Variants in ARL13B observed in about 807,000 individuals in gnomAD.
ARL13B encodes the protein ARF like GTPase 13B.
A neutral mutation model predicts 56.1 loss-of-function variants in ARL13B; 36 were observed. The observed-to-expected ratio is 0.64, with a 90% CI of 0.49 to 0.85. The LOEUF is 0.85. ARL13B is among the 40% of genes least tolerant of loss of function. ARL13B has a pLI of 0.00. For missense variants in ARL13B, 519 were observed against 507.1 expected, an observed-to-expected ratio of 1.02 and a Z score of -0.23; for synonymous variants, 178 against 171.1, an observed-to-expected ratio of 1.04 and a Z score of -0.32.
intron 3 of ARL13B, among the ~76,000 whole-genome samples, chr3:94,022,332 G>T (rs1002074722): frequency 4.0e-4 from 61 of 151,940 alleles, no homozygotes; most frequent in African/African-American, 1.4e-3. Flanking sequence ...TACCATGTTG[G>T]CCAGGCTGGT....
chr3:94,046,187 A>T (rs1357604686), intron 7 of ARL13B, among the ~76,000 whole-genome samples: 1 of 151,958 alleles, frequency 6.6e-6, no homozygotes, highest in Non-Finnish European at 1.5e-5. Flanking sequence ...ATATGTATAC[A>T]TATGTAAAAC....
At chr3:94,016,591 C>A (rs2076337596) in intron 3 of ARL13B, among the ~76,000 whole-genome samples, 1 of 151,648 alleles carries the variant, frequency 6.6e-6, no homozygotes, top group Non-Finnish European at 1.5e-5. Flanking sequence ...GAGTAGAAGA[C>A]CCTTGGGTTC....
intron 1 of ARL13B, among the ~76,000 whole-genome samples, chr3:93,989,555 A>ATT (rs200041280): frequency 7.4e-5 from 11 of 148,392 alleles, no homozygotes; most frequent in Non-Finnish European, 1.3e-4. Context: ...GCTATGGTTA[A>ATT]TTTTTTTTTT....
chr3:94,031,729 CAT>C (rs2076680147), intron 3 of ARL13B, among the ~76,000 whole-genome samples: 1 of 152,196 alleles, frequency 6.6e-6, no homozygotes, highest in African/African-American at 2.4e-5. Context: ...CTGGAGGCAT[CAT>C]ATTATCTGAC....
chr3:94,045,447 T>TAAAAAAAAAAA (rs1047984463), intron 7 of ARL13B, among the ~76,000 whole-genome samples: 1 of 73,594 alleles, frequency 1.4e-5, no homozygotes, highest in Admixed American at 1.4e-4. Flanking sequence ...CAATAAATAC[T>TAAAAAAAAAAA]AAAAAAAAAA....
At chr3:94,039,376 T>C (rs1157252197) in intron 5 of ARL13B, among the ~76,000 whole-genome samples, 1 of 151,430 alleles carries the variant, frequency 6.6e-6, no homozygotes, top group East Asian at 1.9e-4. Flanking sequence ...GGCGGGCGCC[T>C]GTAGTCCCAG....
At chr3:94,043,534 G>GACCTCCC (rs2076902213) in intron 7 of ARL13B, among the ~76,000 whole-genome samples, 1 of 13,356 alleles carries the variant, frequency 7.5e-5, no homozygotes, top group Non-Finnish European at 1.5e-4. Context: ...CCTTGGAATA[G>GACCTCCC]CCCTCCCCCT....
intron 7 of ARL13B, 94 bp from the exon 8 acceptor site, chr3:94,049,312 A>T: frequency 1.5e-6 from 1 of 684,540 alleles, no homozygotes; most frequent in Non-Finnish European, 2.5e-6. Context: ...GTTTTTTGTT[A>T]ATAATATCAG....
At chr3:93,986,866 A>T (rs1710490392) in intron 1 of ARL13B, among the ~76,000 whole-genome samples, 1 of 152,122 alleles carries the variant, frequency 6.6e-6, no homozygotes, top group Admixed American at 6.5e-5. Flanking sequence ...GCTACTTGGG[A>T]GGCTGAGGCA....
Position 94,032,889 on chromosome 3 carries a change from A to G in ARL13B, c.381-2442A>G, listed in dbSNP as rs144321928. Among the ~76,000 whole-genome samples, 424 of 152,366 alleles carry G rather than the reference A, an allele frequency of 2.8e-3. 1 individual carries two copies. The highest frequency in any genetic ancestry group is 0.014 in the Middle Eastern group (4 of 294). ...CCTATCCAAAGGAAAAGAAATCATT[A>G]TACAAGAAAAGATATCTGAACTCAA... On this transcript the variant is annotated intron_variant, in intron 3 of 9. Transcript: ENST00000394222.
intron 5 of ARL13B, among the ~76,000 whole-genome samples, chr3:94,037,379 A>G (rs1453521848): frequency 6.6e-6 from 1 of 152,232 alleles, no homozygotes; most frequent in Non-Finnish European, 1.5e-5. Flanking sequence ...GCAAGAACTC[A>G]CTACCCTTGG....
intron 3 of ARL13B, chr3:94,028,229 A>G (rs1461603477): frequency 6.6e-6 from 1 of 152,196 alleles, no homozygotes; most frequent in Non-Finnish European, 1.5e-5. Context: ...CAAATCAGCT[A>G]CTGGTACCCC....
At chr3:94,033,662 A>G (rs2076715484) in intron 3 of ARL13B, among the ~76,000 whole-genome samples, 1 of 152,228 alleles carries the variant, frequency 6.6e-6, no homozygotes, top group African/African-American at 2.4e-5. Context: ...TAAGTGAAAG[A>G]TTAATGAGGA....
At chr3:94,029,347 TTA>T (rs143497423) in intron 3 of ARL13B, among the ~76,000 whole-genome samples, 4,829 of 105,358 alleles carry the variant, frequency 0.046, 238 homozygotes, top group Middle Eastern at 0.07. Context: ...TATTTTTTTT[TTA>T]TTTTTTTTTT....
At chr3:93,987,651 A>G (rs764023633) in intron 1 of ARL13B, among the ~76,000 whole-genome samples, 21 of 151,876 alleles carry the variant, frequency 1.4e-4, no homozygotes, top group Middle Eastern at 3.2e-3. Flanking sequence ...GAAAACCTCT[A>G]TTGTAATTCC....
Position 94,050,901 on chromosome 3 carries a change from A to T in ARL13B, c.1210+9A>T, listed in dbSNP as rs1398302173. The T allele has an allele frequency of 6.2e-7, 1 of 1,612,316 alleles. No homozygotes were observed. Among genetic ancestry groups the T allele is most frequent in the Admixed American group, 1.7e-5 (1 of 60,002 alleles). On this transcript the variant is annotated intron_variant, in intron 9 of 9. Transcript: ENST00000394222. ...TGAAACACATCATAATGGTAATGCAAAAGGATTGGTTTTCAGATATCATCT... is the reference window on the plus strand; with the variant it reads ...TGAAACACATCATAATGGTAATGCATAAGGATTGGTTTTCAGATATCATCT...
chr3:93,984,823 A>G (rs1229700979), intron 1 of ARL13B, among the ~76,000 whole-genome samples: 1 of 152,124 alleles, frequency 6.6e-6, no homozygotes, highest in South Asian at 2.1e-4. Flanking sequence ...CCTGGGCAAT[A>G]TAGTGAGACC....
At chr3:94,040,686 G>GT (rs61346850) in intron 6 of ARL13B, among the ~76,000 whole-genome samples, 3,553 of 129,218 alleles carry the variant, frequency 0.027, 93 homozygotes, top group African/African-American at 0.064. Context: ...TACCTGGAAG[G>GT]TTTTTTTTTT....
intron 1 of ARL13B, among the ~76,000 whole-genome samples, chr3:93,986,445 G>A (rs1042025986): frequency 2.6e-5 from 4 of 151,902 alleles, no homozygotes; most frequent in Non-Finnish European, 5.9e-5. Flanking sequence ...TCAATTTGTC[G>A]TATAGTGATT....
Sources: gnomAD v4.1 joint callset for allele counts (sites outside exome capture counted in the v4.1 genomes callset) on GRCh38, gnomAD v4.1.1 for gene constraint, MANE v1.5 for transcripts, NCBI Gene and HGNC (gene_info 2026-07-23, HGNC 2026-07-21) for gene names.